The following TMEM175 variants were observed in gnomAD, a reference collection of about 807,000 sequenced individuals.
TMEM175 encodes endosomal/lysosomal proton channel TMEM175.
A neutral mutation model predicts 36.5 loss-of-function variants in TMEM175; 36 were observed. The observed-to-expected ratio is 0.99, with a 90% CI of 0.76 to 1.30. The LOEUF (loss-of-function observed/expected upper bound fraction) is 1.30, where lower values mean the gene tolerates loss of function less well. Ranked by LOEUF, TMEM175 falls within the 50% of genes most tolerant of loss-of-function variation. The pLI is 0.00. For synonymous variants in TMEM175, 339 were observed against 313.4 expected, an observed-to-expected ratio of 1.08 and a Z score of -0.86; for missense variants, 705 against 692.8, an observed-to-expected ratio of 1.02 and a Z score of -0.20.
At chr4:947,433 C>G (rs781261766) in intron 1 of TMEM175, among the ~76,000 whole-genome samples, 11 of 152,194 alleles carry the variant, frequency 7.2e-5, no homozygotes, top group Admixed American at 2.6e-4. Flanking sequence ...TTCCTTGTCT[C>G]TCCCGTTTCC....
Position 950,403 on chromosome 4 carries a change from A to G in TMEM175, c.193-18A>G, listed in dbSNP as rs1055458494. 4 of 1,592,458 alleles carry G rather than the reference A, an allele frequency of 2.5e-6. No individual in the cohort carries two copies. The African/African-American group carries it at 5.4e-5, about 21-fold the overall frequency. On this transcript the variant is annotated intron_variant, in intron 3 of 10. Transcript: ENST00000264771. ...CTCATGTCACCTGGGCTCTGACAGC[A>G]GTGCTCTTGTATTCCAGCAGTTCGA...
intron 1 of TMEM175, among the ~76,000 whole-genome samples, chr4:938,392 C>T (rs1041292006): frequency 2.6e-5 from 4 of 151,920 alleles, no homozygotes; most frequent in African/African-American, 9.7e-5. Context: ...TAATCCCAGC[C>T]ACTCAGGAGG....
At chr4:936,791 T>A (rs1330825310) in intron 1 of TMEM175, among the ~76,000 whole-genome samples, 2 of 152,032 alleles carry the variant, frequency 1.3e-5, no homozygotes, top group Non-Finnish European at 1.5e-5. Context: ...CCATCTCTAC[T>A]AAAAAAGATA....
chr4:935,544 T>C (rs2152995848), intron 1 of TMEM175, among the ~76,000 whole-genome samples: 1 of 152,288 alleles, frequency 6.6e-6, no homozygotes, highest in Non-Finnish European at 1.5e-5. Context: ...AACTAATAGC[T>C]GCAAGGAGAG....
chr4:942,643 T>C (rs1727663480), intron 1 of TMEM175, among the ~76,000 whole-genome samples: 1 of 150,812 alleles, frequency 6.6e-6, no homozygotes, highest in Non-Finnish European at 1.5e-5. Context: ...TTTCTTTTTT[T>C]TTTTTTTTCT....
rs1014836665 is a variant in TMEM175, at chr4:958,183, A to G, written c.1202A>G (p.Gln401Arg). 2.5e-6 allele frequency: 4 copies of G among 1,603,312 alleles called. No individual in the cohort carries two copies. In the African/African-American group the frequency reaches 4.0e-5, roughly 16 times the overall value. ...LAMWTTALLH[Q>R]AETLQPSVWF... ...ATGTGGACCACGGCGCTGCTGCACC[A>G]GGCGGAGACGCTGCAGCCCTCGGTG... Residue 401 changes from glutamine (Q) to arginine (R), a missense_variant, in exon 11 of 11, where the codon CAG becomes CGG. Gln to Arg is a conservative substitution (Grantham distance 43). Transcript: ENST00000264771.
intron 1 of TMEM175, among the ~76,000 whole-genome samples, chr4:945,172 G>GTGAGGCAGCCTGTCATGGCAGTCCCAT (rs139903028): frequency 0.36 from 54,058 of 151,866 alleles, 9,797 homozygotes; most frequent in African/African-American, 0.39. Context: ...GGCAGTCCCA[G>GTGAGGCAGCCTGTCATGGCAGTCCCAT]TGAGACTGCC....
rs771451879 is a variant in TMEM175, at chr4:953,312, G to A, written c.585G>A (p.Leu195=). ...VLGIVLQGPA[L]CFAAAIFSLF... is the part of the protein sequence containing the mutation. ...GCATCGTCCTCCAAGGCCCGGCCCT[G>A]TGCTTTGCAGCGGCCATCTTCTCTC... is the stretch of plus-strand genomic sequence containing the variant. The change falls in exon 8 of 11, where the codon CTG becomes CTA. Residue 195 remains leucine (L), a synonymous_variant. Transcript: ENST00000264771. 5.0e-6 allele frequency: 8 copies of A among 1,613,970 alleles called. No homozygotes were observed. In the South Asian group the frequency reaches 6.6e-5, roughly 13 times the overall value.
intron 3 of TMEM175, among the ~76,000 whole-genome samples, chr4:949,104 A>G (rs114450456): frequency 0.033 from 5,082 of 152,164 alleles, 304 homozygotes; most frequent in African/African-American, 0.12. Context: ...ACCGAGGCCC[A>G]TGGGGTGGGC....
rs766769601 is a variant in TMEM175, at chr4:958,109, G to A, written c.1128G>A (p.Val376=). 38 of 1,604,548 alleles carry A rather than the reference G, an allele frequency of 2.4e-5. No homozygotes were observed. The highest frequency in any genetic ancestry group is 6.6e-5 in the South Asian group (6 of 91,070). The change falls in exon 11 of 11, where the codon GTG becomes GTA. Residue 376 remains valine, a synonymous_variant. Transcript: ENST00000264771. ...ARQPRDELER[V]RVSCTIIFLA... The stretch of plus-strand genomic sequence containing the variant: ...AGCCCCGCGATGAGCTGGAGCGCGT[G>A]CGTGTCAGCTGCACCATCATCTTCC...
chr4:947,637 C>A, intron 1 of TMEM175, 72 bp from the exon 2 acceptor site: 1 of 1,281,582 alleles, frequency 7.8e-7, no homozygotes, highest in Non-Finnish European at 1.1e-6. Context: ...TGTCCCTGCA[C>A]CAGGGCTGAG....
chr4:951,363 G>A (rs1293276349), intron 5 of TMEM175, 105 bp downstream of exon 5: 1 of 1,307,994 alleles, frequency 7.6e-7, no homozygotes, highest in Non-Finnish European at 1.1e-6. Context: ...CCTCCAGGGA[G>A]TCTCGGAGCC....
chr4:940,944 T>C (rs1177940628), intron 1 of TMEM175, among the ~76,000 whole-genome samples: 2 of 151,348 alleles, frequency 1.3e-5, no homozygotes, highest in Non-Finnish European at 2.9e-5. Context: ...AGTCGGAGGT[T>C]GCAGTGAGCC....
chr4:944,560 C>G (rs1727898516), intron 1 of TMEM175, among the ~76,000 whole-genome samples: 1 of 151,980 alleles, frequency 6.6e-6, no homozygotes, highest in Admixed American at 6.6e-5. Context: ...GAACATTGTT[C>G]TTATTTGTGG....
chr4:942,502 A>G (rs771371909), intron 1 of TMEM175, among the ~76,000 whole-genome samples: 1 of 152,136 alleles, frequency 6.6e-6, no homozygotes, highest in Non-Finnish European at 1.5e-5. Context: ...TTTCTGAACT[A>G]TATTCCATTG....
chr4:937,191 A>G (rs1426850220), intron 1 of TMEM175, among the ~76,000 whole-genome samples: 1 of 152,226 alleles, frequency 6.6e-6, no homozygotes, highest in Admixed American at 6.5e-5. Flanking sequence ...AAATTTTTTA[A>G]GAAGGGAATA....
chr4:948,196 A>T, intron 3 of TMEM175, 42 bp downstream of exon 3: 1 of 1,614,012 alleles, frequency 6.2e-7, no homozygotes, highest in Middle Eastern at 1.6e-4. Context: ...GGCCCTGCGA[A>T]GATATAGGGT....
In TMEM175 at chr4:950,467, T is replaced by C; in HGVS notation, c.239T>C (p.Val80Ala). The change falls in exon 4 of 11, where the codon GTC (valine) becomes GCC (alanine). Residue 80 changes from valine (V) to alanine (A), a missense_variant. Physicochemically the swap from Val to Ala is moderately conservative, Grantham distance 64. Transcript: ENST00000264771. The stretch of plus-strand genomic sequence containing the variant: ...AGGCTTCTGGCAACACGGATTGCCG[T>C]CTACCTGATGACCTTTCTCATCGTG... ...VQRLLATRIA[V>A]YLMTFLIVTV... 6.2e-7 allele frequency: 1 copy of C among 1,614,106 alleles called. No individual in the cohort carries two copies.
At chr4:940,886 A>G (rs959382998) in intron 1 of TMEM175, among the ~76,000 whole-genome samples, 3 of 151,666 alleles carry the variant, frequency 2.0e-5, no homozygotes, top group Non-Finnish European at 4.4e-5. Context: ...TGTGCCTGTA[A>G]TCCCAGCTAC....
Sources: allele counts gnomAD v4.1 joint callset (sites outside exome capture counted in the v4.1 genomes callset), GRCh38; gene constraint gnomAD v4.1.1; transcripts MANE v1.5; gene names NCBI Gene and HGNC (gene_info 2026-07-23, HGNC 2026-07-21).